MGRN1: variants seen among roughly 807,000 people sequenced by gnomAD.
MGRN1 encodes the protein mahogunin ring finger 1.
A neutral mutation model predicts 69.2 loss-of-function variants in MGRN1; 29 were observed. That is an observed-to-expected ratio of 0.42 (90% confidence interval 0.31 to 0.57). The LOEUF (loss-of-function observed/expected upper bound fraction) is 0.57, where lower values mean the gene tolerates loss of function less well. Among genes scored for constraint, MGRN1 ranks in the 20% least tolerant of loss-of-function variants. The pLI is 0.15. For missense variants in MGRN1, 998 were observed against 796.2 expected (o/e 1.25, Z -3.05); for synonymous variants, 470 against 344.2 (o/e 1.37, Z -4.04).
intron 4 of MGRN1, among the ~76,000 whole-genome samples, chr16:4,654,645 GAC>G (rs1356342907): frequency 1.3e-5 from 2 of 152,256 alleles, no homozygotes; most frequent in Non-Finnish European, 2.9e-5. Context: ...GGGGGCACAT[GAC>G]TGCTTGTGCC....
At chr16:4,629,467 A>G (rs2438981) in intron 1 of MGRN1, among the ~76,000 whole-genome samples, 36,936 of 152,006 alleles carry the variant, frequency 0.24, 5,189 homozygotes, top group African/African-American at 0.39. Context: ...GGGCCCAGGC[A>G]TGGTGGCTCA....
chr16:4,684,084 C>T (rs1393766697), intron 16 of MGRN1, 152 bp downstream of exon 16: 19 of 749,178 alleles, frequency 2.5e-5, no homozygotes, highest in African/African-American at 3.5e-5. Context: ...CTGCTATTGA[C>T]CGTGAAGCAG....
chr16:4,686,457 C>G, intron 16 of MGRN1: 1 of 1,418,160 alleles, frequency 7.1e-7, no homozygotes, highest in Non-Finnish European at 9.2e-7. Flanking sequence ...ATCCAGAGCT[C>G]TCCAGTGGCT....
At chr16:4,668,183 G>T in intron 7 of MGRN1, 82 bp from the exon 8 acceptor site, 1 of 1,230,854 alleles carries the variant, frequency 8.1e-7, no homozygotes, top group Non-Finnish European at 1.1e-6. Context: ...CTGGGGCAGG[G>T]TGGCCAACCC....
intron 5 of MGRN1, among the ~76,000 whole-genome samples, chr16:4,661,392 C>G (rs1684623): frequency 6.6e-6 from 1 of 152,070 alleles, no homozygotes; most frequent in Non-Finnish European, 1.5e-5. Context: ...AGCCCTCTCC[C>G]GGAGGAGGCT....
intron 8 of MGRN1, 53 bp downstream of exon 8, chr16:4,668,365 A>G (rs2078852770): frequency 6.3e-7 from 1 of 1,584,182 alleles, no homozygotes; most frequent in Non-Finnish European, 8.7e-7. Context: ...ACACATATAC[A>G]ATCACTCACA....
In MGRN1 at chr16:4,662,069, A is replaced by G. The variant is rs1402192178; in HGVS notation, c.562-2640A>G. Among the ~76,000 whole-genome samples the G allele has an allele frequency of 1.3e-5, 2 of 152,028 alleles. 1 individual carries two copies. The highest frequency in any genetic ancestry group is 2.9e-5 in the Non-Finnish European group (2 of 68,016). Reference sequence around the variant, plus strand: ...TAGCCTCCCTGGTTCGCAGTCGGGTACTTTCTTGACACTGATGTTTGTCCC... The same window carrying G: ...TAGCCTCCCTGGTTCGCAGTCGGGTGCTTTCTTGACACTGATGTTTGTCCC... On this transcript the variant is annotated intron_variant, in intron 5 of 16. Coordinates refer to ENST00000262370, the MANE Select transcript of MGRN1 (RefSeq NM_015246.4).
In MGRN1 at chr16:4,660,097, C is replaced by T. The variant is rs565151457; in HGVS notation, c.561+2734C>T. On this transcript the variant is annotated intron_variant, in intron 5 of 16. Transcript: ENST00000262370. The stretch of plus-strand genomic sequence containing the variant: ...GCCAGGCATGGCTTAGCATCAAGAG[C>T]GCAGCTGCAAGGACAGGCCACAGGG... Among the ~76,000 whole-genome samples the T allele has an allele frequency of 7.7e-4, 117 of 152,354 alleles. No individual in the cohort carries two copies. The South Asian group carries it at 0.016, about 21-fold the overall frequency.
At chr16:4,645,343 A>T (rs979724487) in intron 1 of MGRN1, among the ~76,000 whole-genome samples, 1 of 152,052 alleles carries the variant, frequency 6.6e-6, no homozygotes, top group East Asian at 1.9e-4. Flanking sequence ...ATTTTTAAGA[A>T]TTTTTTGTAG....
At chr16:4,642,788 A>AT (rs79535290) in intron 1 of MGRN1, among the ~76,000 whole-genome samples, 1,849 of 140,164 alleles carry the variant, frequency 0.013, 11 homozygotes, top group South Asian at 0.037. Context: ...TAACGCTTGA[A>AT]TTTTTTTTTT....
intron 1 of MGRN1, among the ~76,000 whole-genome samples, chr16:4,631,508 T>C (rs897750398): frequency 6.6e-6 from 1 of 152,234 alleles, no homozygotes; most frequent in Admixed American, 6.5e-5. Flanking sequence ...GGGGCATCTG[T>C]TGGGTAGAGG....
intron 5 of MGRN1, among the ~76,000 whole-genome samples, chr16:4,662,567 C>T (rs976177784): frequency 2.6e-5 from 4 of 152,104 alleles, no homozygotes; most frequent in African/African-American, 7.2e-5. Flanking sequence ...GTAGCAGCCA[C>T]CACAGGCAGT....
intron 5 of MGRN1, among the ~76,000 whole-genome samples, chr16:4,659,445 G>A (rs892509751): frequency 2.0e-5 from 3 of 152,208 alleles, no homozygotes; most frequent in Non-Finnish European, 4.4e-5. Flanking sequence ...GTTTGCAGGT[G>A]AGGTGGCCGG....
chr16:4,684,773 G>T (rs377562308), intron 16 of MGRN1, among the ~76,000 whole-genome samples: 1 of 152,244 alleles, frequency 6.6e-6, no homozygotes, highest in Non-Finnish European at 1.5e-5. Context: ...GGCTGTCTGC[G>T]GCTCTGGAAC....
chr16:4,670,999 G>T (rs553946618), intron 8 of MGRN1, among the ~76,000 whole-genome samples: 3 of 152,348 alleles, frequency 2.0e-5, no homozygotes, highest in South Asian at 2.1e-4. Flanking sequence ...ATGCCTTTTG[G>T]AAGGAGGATC....
intron 1 of MGRN1, among the ~76,000 whole-genome samples, chr16:4,627,543 T>C (rs1443833178): frequency 6.6e-6 from 1 of 152,232 alleles, no homozygotes; most frequent in East Asian, 1.9e-4. Context: ...ATCCCATCAC[T>C]TTGGGAGGCC....
intron 13 of MGRN1, 120 bp downstream of exon 13, chr16:4,681,896 C>A: frequency 9.0e-6 from 9 of 1,001,188 alleles, no homozygotes; most frequent in Non-Finnish European, 1.1e-5. Context: ...CCCAGAAGGA[C>A]TCGGAGACCC....
At chr16:4,674,578 C>CT (rs113342903) in intron 10 of MGRN1, among the ~76,000 whole-genome samples, 3,368 of 118,898 alleles carry the variant, frequency 0.028, 183 homozygotes, top group African/African-American at 0.1. Context: ...TGAGCCACCG[C>CT]TTTTTTTTTT....
chr16:4,625,197 C>A, intron 1 of MGRN1, 149 bp downstream of exon 1: 2 of 711,916 alleles, frequency 2.8e-6, no homozygotes, highest in Non-Finnish European at 4.1e-6. Flanking sequence ...CCCCACGGCC[C>A]CGATCCCTAG....
Sources: gnomAD v4.1 joint callset for allele counts (sites outside exome capture counted in the v4.1 genomes callset) on GRCh38, gnomAD v4.1.1 for gene constraint, MANE v1.5 for transcripts, NCBI Gene and HGNC (gene_info 2026-07-23, HGNC 2026-07-21) for gene names.